PXDNL: variants seen among roughly 807,000 people sequenced by gnomAD.
PXDNL encodes peroxidasin like.
PXDNL carries 145 observed loss-of-function variants against 150.8 expected under a neutral mutation model. That is an observed-to-expected ratio of 0.96 (90% confidence interval 0.84 to 1.10). PXDNL has a LOEUF of 1.10. Among genes scored for constraint, PXDNL ranks in the 50% least tolerant of loss-of-function variants. The probability of loss-of-function intolerance (pLI) is 0.00; values close to 1 mark genes in which losing one functional copy is unlikely to be tolerated. For missense variants in PXDNL, 2,087 were observed against 1,873.9 expected, an observed-to-expected ratio of 1.11 and a Z score of -2.10; for synonymous variants, 757 against 725.7, an observed-to-expected ratio of 1.04 and a Z score of -0.69.
intron 4 of PXDNL, among the ~76,000 whole-genome samples, chr8:51,546,994 G>A (rs1236643620): frequency 6.6e-6 from 1 of 152,136 alleles, no homozygotes; most frequent in Non-Finnish European, 1.5e-5. Flanking sequence ...CCCGCAGCAA[G>A]CCCCACCAAA....
At chr8:51,383,799 C>G (rs1807617705) in intron 17 of PXDNL, among the ~76,000 whole-genome samples, 1 of 152,098 alleles carries the variant, frequency 6.6e-6, no homozygotes, top group Non-Finnish European at 1.5e-5. Context: ...ACAGAGACCA[C>G]AGTGTCAAGC....
At chr8:51,390,987 C>T (rs1586063237) in intron 17 of PXDNL, among the ~76,000 whole-genome samples, 1 of 151,996 alleles carries the variant, frequency 6.6e-6, no homozygotes, top group African/African-American at 2.4e-5. Context: ...TGAGTGAGAA[C>T]ATGCGGTGTT....
intron 17 of PXDNL, among the ~76,000 whole-genome samples, chr8:51,402,117 G>T (rs1324425345): frequency 6.6e-6 from 1 of 152,180 alleles, no homozygotes; most frequent in Non-Finnish European, 1.5e-5. Flanking sequence ...AAAGAGGAAA[G>T]AAATTAAGAA....
At position 51,409,440 on chromosome 8, in the gene PXDNL, G is replaced by T; in HGVS notation, c.2184C>A (p.Arg728=). Residue 728 remains arginine (R), a synonymous_variant, in exon 17 of 23, where the codon CGC becomes CGA. Transcript: ENST00000356297. ...CSNRCFHAKY[R]AHDGTCNNLQ... ...GGTTGTTGCACGTGCCGTCGTGGGC[G>T]CGGTACTTCGCATGGAAACACCGGT... The T allele has an allele frequency of 1.2e-6, 2 of 1,612,606 alleles. No individual in the cohort carries two copies. The highest frequency in any genetic ancestry group is 1.1e-5 in the South Asian group (1 of 91,070).
rs529458777 is a variant in PXDNL, at chr8:51,593,155, T to C, written c.237-457A>G. On this transcript the variant is annotated intron_variant, in intron 2 of 22. Coordinates refer to ENST00000356297, the MANE Select transcript of PXDNL (RefSeq NM_144651.5). ...ATTTGTTAAACTGTCAAACCAAGAG[T>C]CAATTACACCATAGGAAGTGAGGCT... is the stretch of plus-strand genomic sequence containing the variant. 1.8e-4 allele frequency among the ~76,000 whole-genome samples: 27 copies of C among 152,124 alleles called. No homozygotes were observed. The South Asian group carries it at 5.6e-3, about 32-fold the overall frequency.
intron 13 of PXDNL, among the ~76,000 whole-genome samples, chr8:51,424,505 A>C (rs1448726665): frequency 6.7e-6 from 1 of 149,902 alleles, no homozygotes; most frequent in African/African-American, 2.5e-5. Context: ...TGTTTTGTAT[A>C]GCTACACTGA....
chr8:51,679,171 G>A (rs544278652), intron 1 of PXDNL, among the ~76,000 whole-genome samples: 32 of 152,320 alleles, frequency 2.1e-4, no homozygotes, highest in African/African-American at 7.5e-4. Context: ...CCTTTTAGTT[G>A]AAAATTTGTT....
At chr8:51,338,214 T>C (rs1805887554) in intron 21 of PXDNL, among the ~76,000 whole-genome samples, 1 of 149,106 alleles carries the variant, frequency 6.7e-6, no homozygotes, top group Admixed American at 6.7e-5. Context: ...GGAAAAAAGA[T>C]TCAGATTGGA....
chr8:51,745,015 GAAGA>G (rs1362122922), intron 1 of PXDNL, among the ~76,000 whole-genome samples: 8 of 143,900 alleles, frequency 5.6e-5, no homozygotes, highest in African/African-American at 1.0e-4. Flanking sequence ...GAAAAGGAAG[GAAGA>G]AAGAAAGAAA....
chr8:51,469,629 A>G (rs1410786649), intron 8 of PXDNL, among the ~76,000 whole-genome samples: 1 of 152,092 alleles, frequency 6.6e-6, no homozygotes, highest in Admixed American at 6.6e-5. Context: ...GGGAGTAGAA[A>G]AGGATAATGA....
intron 3 of PXDNL, among the ~76,000 whole-genome samples, chr8:51,588,906 C>A (rs1207791795): frequency 6.6e-6 from 1 of 152,116 alleles, no homozygotes; most frequent in African/African-American, 2.4e-5. Context: ...TGCACCTGGG[C>A]AAGTGCTATG....
At chr8:51,467,107 C>T (rs140332090) in intron 8 of PXDNL, among the ~76,000 whole-genome samples, 3 of 152,136 alleles carry the variant, frequency 2.0e-5, no homozygotes, top group African/African-American at 4.8e-5. Context: ...ATTACAGCAC[C>T]GTTAGCAATA....
At chr8:51,492,586 A>C (rs1435259494) in intron 5 of PXDNL, among the ~76,000 whole-genome samples, 10 of 152,222 alleles carry the variant, frequency 6.6e-5, no homozygotes, top group Non-Finnish European at 1.5e-5. Context: ...TCCCACCCTA[A>C]TACTATGCTT....
Position 51,335,832 on chromosome 8 carries a change from C to T in PXDNL, c.4146+3792G>A, listed in dbSNP as rs538763508. Among the ~76,000 whole-genome samples the T allele has an allele frequency of 1.9e-4, 29 of 151,904 alleles. No individual in the cohort carries two copies. In the East Asian group the frequency reaches 3.7e-3, roughly 19 times the overall value. On this transcript the variant is annotated intron_variant, in intron 21 of 22. Coordinates refer to ENST00000356297, the MANE Select transcript of PXDNL (RefSeq NM_144651.5). ...TATTCCCACAATAATCAGAATCAAA[C>T]GAAAAGGGCAAATATAATTTACTGG...
intron 19 of PXDNL, among the ~76,000 whole-genome samples, chr8:51,348,876 T>G (rs1331903171): frequency 6.6e-6 from 1 of 152,126 alleles, no homozygotes; most frequent in Non-Finnish European, 1.5e-5. Context: ...TCAAAAGCCA[T>G]AACACTACAG....
chr8:51,415,095 C>T (rs909421993), intron 14 of PXDNL, among the ~76,000 whole-genome samples: 2 of 152,132 alleles, frequency 1.3e-5, no homozygotes, highest in African/African-American at 4.8e-5. Context: ...TGTAATATTG[C>T]ATATGCACAC....
intron 1 of PXDNL, among the ~76,000 whole-genome samples, chr8:51,694,595 A>G (rs536593104): frequency 5.9e-4 from 90 of 152,358 alleles, no homozygotes; most frequent in African/African-American, 2.1e-3. Context: ...TCTAGTATCT[A>G]GGCATTGTCA....
At chr8:51,686,585 T>C (rs922173297) in intron 1 of PXDNL, among the ~76,000 whole-genome samples, 1 of 152,212 alleles carries the variant, frequency 6.6e-6, no homozygotes, top group African/African-American at 2.4e-5. Context: ...GTAGTTTTTA[T>C]AATCGTGTTG....
At chr8:51,779,250 C>A (rs1422862156) in intron 1 of PXDNL, among the ~76,000 whole-genome samples, 1 of 152,176 alleles carries the variant, frequency 6.6e-6, no homozygotes, top group African/African-American at 2.4e-5. Flanking sequence ...CCTCATCAAC[C>A]AGTTTCCAAG....
Sources: gnomAD v4.1 joint callset for allele counts (sites outside exome capture counted in the v4.1 genomes callset) on GRCh38, gnomAD v4.1.1 for gene constraint, MANE v1.5 for transcripts, NCBI Gene and HGNC (gene_info 2026-07-23, HGNC 2026-07-21) for gene names.